NIM1K: variants seen among roughly 807,000 people sequenced by gnomAD.
The protein encoded by NIM1K is NIM1 serine/threonine protein kinase.
In NIM1K, 35 loss-of-function variants were observed where a neutral mutation model predicts 37.1. The observed-to-expected ratio is 0.94, with a 90% CI of 0.72 to 1.25. The LOEUF (loss-of-function observed/expected upper bound fraction) is 1.25. Ranked by LOEUF, NIM1K falls within the 50% of genes most tolerant of loss-of-function variation. The pLI, the probability that NIM1K is intolerant of heterozygous loss-of-function variation, is 0.00. For synonymous variants in NIM1K, 234 were observed against 206.6 expected, an observed-to-expected ratio of 1.13 and a Z score of -1.14; for missense variants, 564 against 548.0, an observed-to-expected ratio of 1.03 and a Z score of -0.29.
intron 2 of NIM1K, among the ~76,000 whole-genome samples, chr5:43,255,729 C>G (rs1337576313): frequency 7.8e-6 from 1 of 128,120 alleles, no homozygotes; most frequent in Non-Finnish European, 1.7e-5. Context: ...AGCCTGGTGA[C>G]AGAGCCAGAC....
intron 1 of NIM1K, among the ~76,000 whole-genome samples, chr5:43,222,712 C>T (rs573967116): frequency 6.0e-5 from 9 of 151,174 alleles, no homozygotes; most frequent in South Asian, 2.1e-4. Context: ...CCAACCTGGG[C>T]GACAGAGTGA....
intron 2 of NIM1K, among the ~76,000 whole-genome samples, chr5:43,253,211 T>TATAATATAATATATA (rs1375405564): frequency 1.9e-5 from 1 of 52,154 alleles, no homozygotes; most frequent in Non-Finnish European, 3.9e-5. Flanking sequence ...TAATATAATA[T>TATAATATAATATATA]ATGTGTGTGT....
chr5:43,229,638 G>A (rs1373014967), intron 1 of NIM1K, among the ~76,000 whole-genome samples: 2 of 86,794 alleles, frequency 2.3e-5, no homozygotes, highest in East Asian at 8.1e-4. Context: ...TTAAATTTTA[G>A]CCTTTTTTTT....
At chr5:43,196,942 C>CTTTTTTT (rs774125135) in intron 1 of NIM1K, among the ~76,000 whole-genome samples, 1 of 82,796 alleles carries the variant, frequency 1.2e-5, no homozygotes, top group African/African-American at 4.6e-5. Context: ...CCATGCCCAG[C>CTTTTTTT]TTTTTTTTTT....
intron 2 of NIM1K, among the ~76,000 whole-genome samples, chr5:43,271,299 T>G (rs1414125866): frequency 6.6e-6 from 1 of 152,098 alleles, no homozygotes; most frequent in Admixed American, 6.6e-5. Context: ...ACTTTCTTCT[T>G]TCAATTCTTC....
intron 2 of NIM1K, among the ~76,000 whole-genome samples, chr5:43,264,531 G>T (rs1255136024): frequency 6.6e-6 from 1 of 151,998 alleles, no homozygotes; most frequent in Non-Finnish European, 1.5e-5. Flanking sequence ...ATGTGAGATG[G>T]GTCTCCTGAA....
chr5:43,215,382 C>T (rs2112223464), intron 1 of NIM1K, among the ~76,000 whole-genome samples: 1 of 152,320 alleles, frequency 6.6e-6, no homozygotes, highest in East Asian at 1.9e-4. Context: ...TCTTCTGTGC[C>T]TCCTGGGCCC....
intron 2 of NIM1K, among the ~76,000 whole-genome samples, chr5:43,268,124 G>C (rs1286053042): frequency 1.3e-5 from 2 of 151,984 alleles, no homozygotes; most frequent in Non-Finnish European, 2.9e-5. Context: ...ATGAATTTTG[G>C]AGCTCCATAG....
chr5:43,200,092 C>T (rs1400225540), intron 1 of NIM1K, among the ~76,000 whole-genome samples: 3 of 151,950 alleles, frequency 2.0e-5, no homozygotes, highest in East Asian at 1.9e-4. Context: ...AGGCTGGTCT[C>T]GAACTCCTGA....
intron 2 of NIM1K, among the ~76,000 whole-genome samples, chr5:43,276,376 A>G (rs1165044018): frequency 6.6e-6 from 1 of 152,244 alleles, no homozygotes; most frequent in Non-Finnish European, 1.5e-5. Flanking sequence ...ACAAGATCCC[A>G]TCACTTTTAA....
chr5:43,250,303 A>C (rs1219369145), intron 2 of NIM1K, among the ~76,000 whole-genome samples: 2 of 152,134 alleles, frequency 1.3e-5, no homozygotes, highest in Non-Finnish European at 1.5e-5. Context: ...TCATCTTTTA[A>C]AGAGGACATA....
At chr5:43,252,756 T>C (rs1752883855) in intron 2 of NIM1K, among the ~76,000 whole-genome samples, 1 of 152,048 alleles carries the variant, frequency 6.6e-6, no homozygotes, top group African/African-American at 2.4e-5. Flanking sequence ...TTAGGCTGAT[T>C]AGAAATTTCT....
At chr5:43,255,254 G>A (rs1451440284) in intron 2 of NIM1K, among the ~76,000 whole-genome samples, 2 of 152,150 alleles carry the variant, frequency 1.3e-5, no homozygotes, top group Admixed American at 1.3e-4. Context: ...CTTACTCCAG[G>A]TTCTTCAGTG....
At chr5:43,213,279 T>G (rs1752242930) in intron 1 of NIM1K, among the ~76,000 whole-genome samples, 1 of 136,924 alleles carries the variant, frequency 7.3e-6, no homozygotes, top group Non-Finnish European at 1.5e-5. Context: ...TTTTCTTTCT[T>G]GTTTCCTTTC....
At chr5:43,210,047 G>C (rs1056938085) in intron 1 of NIM1K, among the ~76,000 whole-genome samples, 1 of 152,180 alleles carries the variant, frequency 6.6e-6, no homozygotes, top group Non-Finnish European at 1.5e-5. Flanking sequence ...TTACAGTGGG[G>C]AGGACAAGTA....
At chr5:43,274,138 G>A (rs1441011205) in intron 2 of NIM1K, among the ~76,000 whole-genome samples, 1 of 152,144 alleles carries the variant, frequency 6.6e-6, no homozygotes, top group Non-Finnish European at 1.5e-5. Flanking sequence ...CTAGGGCAGA[G>A]GATTTAAGGA....
At chr5:43,198,193 TTCTTTCTTTCTTTCTCTTTCTTTCTTTC>T (rs1181656554) in intron 1 of NIM1K, among the ~76,000 whole-genome samples, 2 of 57,032 alleles carry the variant, frequency 3.5e-5, no homozygotes, top group Non-Finnish European at 7.0e-5. Context: ...CTTTCTTTCT[TTCTTTCTTTCTTTCTCTTTCTTTCTTTC>T]TTTCTTTCTT....
intron 1 of NIM1K, among the ~76,000 whole-genome samples, chr5:43,198,209 CTTTCTTTCTT>C (rs1751958193): frequency 5.0e-5 from 3 of 60,166 alleles, no homozygotes; most frequent in African/African-American, 2.0e-4. Context: ...CTTTCTTTCT[CTTTCTTTCTT>C]TCTTTCTTTC....
intron 2 of NIM1K, among the ~76,000 whole-genome samples, chr5:43,269,305 T>A (rs1309831502): frequency 4.7e-5 from 2 of 42,558 alleles, no homozygotes; most frequent in African/African-American, 8.8e-5. Flanking sequence ...TGAGACTTCA[T>A]CTCAAAAAAA....
Sources: allele counts gnomAD v4.1 joint callset (sites outside exome capture counted in the v4.1 genomes callset), GRCh38; gene constraint gnomAD v4.1.1; transcripts MANE v1.5; gene names NCBI Gene and HGNC (gene_info 2026-07-23, HGNC 2026-07-21).